Variants in ASPM observed in about 807,000 individuals in gnomAD.
The protein encoded by ASPM is abnormal spindle-like microcephaly-associated protein.
A neutral mutation model predicts 366.4 loss-of-function variants in ASPM; 256 were observed. That is an observed-to-expected ratio of 0.70 (90% CI 0.63 to 0.77). ASPM has a LOEUF of 0.77. Ranked by LOEUF, ASPM falls within the 30% of genes least tolerant of loss-of-function variation. The pLI, the probability that ASPM is intolerant of heterozygous loss-of-function variation, is 0.00. For missense variants in ASPM, 4,146 were observed against 4,090.4 expected, an observed-to-expected ratio of 1.01 and a Z score of -0.37; for synonymous variants, 1,414 against 1,342.9, an observed-to-expected ratio of 1.05 and a Z score of -1.16.
rs746388015 is a variant in ASPM at position 197,104,965 on chromosome 1, G to A, written c.4286C>T (p.Ser1429Phe). Reference sequence around the variant, plus strand: ...ACGTTGCTTCCATTTTCTGAACATAGATTGGATTATAAGAGTTGATGATTT... The same window carrying A: ...ACGTTGCTTCCATTTTCTGAACATAAATTGGATTATAAGAGTTGATGATTT... ...MLKSSTLIIQ[S>F]MFRKWKQRKM... Residue 1429 changes from serine (S) to phenylalanine (F), a missense_variant, in exon 18 of 28, where the codon TCT (serine) becomes TTT (phenylalanine). Physicochemically the swap from Ser to Phe is radical, Grantham distance 155. Transcript: ENST00000367409. 3 of 1,611,910 alleles carry A rather than the reference G, an allele frequency of 1.9e-6. No homozygotes were observed. The highest frequency in any genetic ancestry group is 1.7e-4 in the Middle Eastern group (1 of 6,042).
rs761158397 is a variant in ASPM at position 197,094,114 on chromosome 1, C to A, written c.9054G>T (p.Lys3018Asn). Residue 3018 changes from lysine to asparagine, a missense_variant, in exon 20 of 28, where the codon AAG becomes AAT. By Grantham distance (94) the Lys-to-Asn change is moderately conservative. Transcript: ENST00000367409. ...QRKWRAILPA[K>N]IAHEHFLMIK... ...TCATTAAGAAGTGTTCATGAGCTAT[C>A]TTTGCAGGAAGTATAGCTCTCCATT... is the stretch of plus-strand genomic sequence containing the variant. 1 of 1,604,924 alleles carries A rather than the reference C, an allele frequency of 6.2e-7. No individual in the cohort carries two copies.
intron 17 of ASPM, among the ~76,000 whole-genome samples, 174 bp from the exon 18 acceptor site, chr1:197,105,359 G>A (rs995444541): frequency 3.3e-5 from 5 of 151,808 alleles, no homozygotes; most frequent in African/African-American, 1.2e-4. Context: ...GTTTTACATT[G>A]ATATACCTGT....
intron 16 of ASPM, among the ~76,000 whole-genome samples, chr1:197,119,017 A>G (rs1415249202): frequency 6.6e-6 from 1 of 152,190 alleles, no homozygotes; most frequent in Non-Finnish European, 1.5e-5. Context: ...AATTCCAATT[A>G]TTAATTAATA....
intron 16 of ASPM, among the ~76,000 whole-genome samples, chr1:197,120,768 T>C (rs1657884943): frequency 6.6e-6 from 1 of 152,022 alleles, no homozygotes; most frequent in Admixed American, 6.6e-5. Flanking sequence ...GAAGTTATTC[T>C]CCAAGTGATA....
At chr1:197,110,286 T>C (rs1160879141) in intron 17 of ASPM, among the ~76,000 whole-genome samples, 2 of 152,112 alleles carry the variant, frequency 1.3e-5, no homozygotes, top group African/African-American at 2.4e-5. Context: ...AACTGATTTA[T>C]GACAAAGGTG....
chr1:197,139,632 C>T lies in ASPM; in HGVS notation c.2026+135G>A. ...ACAGAAAGTTGACACAATATCCTGT[C>T]ATTTTAATACACACTTTAACAATTC... On this transcript the variant is annotated intron_variant, in intron 4 of 27. Coordinates refer to ENST00000367409, the MANE Select transcript of ASPM (RefSeq NM_018136.5). 9.0e-6 allele frequency: 7 copies of T among 778,990 alleles called. No individual in the cohort carries two copies. In the South Asian group the frequency reaches 1.0e-4, roughly 11 times the overall value. 48.3% of individuals were successfully genotyped at this position (778,990 alleles called of 1,614,324 possible).
At chr1:197,094,251 C>A in intron 19 of ASPM, 71 bp from the exon 20 acceptor site, 1 of 900,410 alleles carries the variant, frequency 1.1e-6, no homozygotes, top group Admixed American at 2.0e-5. Context: ...TTGCCTCCCC[C>A]CCTTTAAAAT....
In ASPM at chr1:197,124,216, T is replaced by C. The variant is rs368894687; in HGVS notation, c.3284A>G (p.Asn1095Ser). The stretch of plus-strand genomic sequence containing the variant: ...ACTATCCCTTTTGCCTTTTTTCTTA[T>C]TAATAAGATCATCAGAATGGCATGA... ...LLSCHSDDLI[N>S]KKKGKRDSGS... Residue 1095 changes from asparagine to serine, a missense_variant, in exon 13 of 28, where the codon AAT becomes AGT. Asn to Ser is a conservative substitution (Grantham distance 46, BLOSUM62 1). This residue lies in a region of ASPM where 3,624 missense variants were observed against 3,591.7 expected (regional missense o/e 1.01). Transcript: ENST00000367409. 93 of 1,610,690 alleles carry C rather than the reference T, an allele frequency of 5.8e-5. No homozygotes were observed. Among genetic ancestry groups the C allele is most frequent in the Non-Finnish European group, 7.8e-5 (92 of 1,177,366 alleles).
At chr1:197,123,978 C>T (rs1286630968) in intron 13 of ASPM, 132 bp downstream of exon 13, 13 of 718,504 alleles carry the variant, frequency 1.8e-5, no homozygotes, top group Admixed American at 2.7e-5. Flanking sequence ...AACATTCACT[C>T]ATTTGAGGGA....
chr1:197,111,970 A>T (rs1478511338), intron 17 of ASPM, among the ~76,000 whole-genome samples: 1 of 152,204 alleles, frequency 6.6e-6, no homozygotes, highest in Non-Finnish European at 1.5e-5. Context: ...TCAAAGGCCT[A>T]AAAGCAGAAA....
intron 10 of ASPM, 28 bp downstream of exon 10, chr1:197,128,462 G>C: frequency 6.3e-7 from 1 of 1,591,220 alleles, no homozygotes; most frequent in Non-Finnish European, 8.6e-7. Context: ...ATTCCATTAA[G>C]CAAAATAATT....
rs199422134 is a variant in ASPM, at chr1:197,143,675, G to C, written c.577C>G (p.Gln193Glu). Residue 193 changes from glutamine to glutamate, a missense_variant, in exon 3 of 28, where the codon CAA (glutamine) becomes GAA (glutamate). Coordinates refer to ENST00000367409, the MANE Select transcript of ASPM (RefSeq NM_018136.5). ...TTCATAGCCAAGTTTTCACAAGCTT[G>C]TAGTGGGCTCCTAACTCTGTCAACT... ...QKVDRVRSPL[Q>E]ACENLAMNEG... The C allele has an allele frequency of 6.2e-6, 10 of 1,613,836 alleles. No individual in the cohort carries two copies. The highest frequency in any genetic ancestry group is 1.3e-5 in the African/African-American group (1 of 75,044).
At position 197,142,813 on chromosome 1, in the gene ASPM, C is replaced by T; in HGVS notation, c.1439G>A (p.Ser480Asn). 1 of 1,613,604 alleles carries T rather than the reference C, an allele frequency of 6.2e-7. No individual in the cohort carries two copies. Among genetic ancestry groups the T allele is most frequent in the Non-Finnish European group, 8.5e-7 (1 of 1,179,592 alleles). ...CTTAGGTTGTTTATTGTGGCTATGA[C>T]TAGAAATATCCTGAACTGCAGAAAA... ...PKFSAVQDIS[S>N]HSHNKQPKRR... is the part of the protein sequence containing the mutation. The change falls in exon 3 of 28, where the codon AGT becomes AAT. Residue 480 changes from serine to asparagine, a missense_variant. Physicochemically the swap from Ser to Asn is conservative, Grantham distance 46. This residue lies in a region of ASPM where 3,624 missense variants were observed against 3,591.7 expected (regional missense o/e 1.01). Coordinates refer to ENST00000367409, the MANE Select transcript of ASPM (RefSeq NM_018136.5).
rs761173800 is a variant in ASPM, at chr1:197,090,404, C to G, written c.9637-16G>C. 2.1e-4 allele frequency: 323 copies of G among 1,573,270 alleles called. No individual in the cohort carries two copies. The highest frequency in any genetic ancestry group is 2.8e-4 in the Non-Finnish European group (320 of 1,150,100). On this transcript the variant is annotated splice_polypyrimidine_tract_variant and intron_variant, in intron 23 of 27. Transcript: ENST00000367409. ...TCCATAATGCCTTAAAGAGATAAAA[C>G]AGAGTAATTTTAAGATTATAGCCAA...
intron 5 of ASPM, 131 bp from the exon 6 acceptor site, chr1:197,133,726 T>TA: frequency 1.9e-6 from 2 of 1,038,242 alleles, no homozygotes; most frequent in South Asian, 3.2e-5. Context: ...GCTTACTCCT[T>TA]AGGCCAATCT....
Position 197,117,834 on chromosome 1 carries a change from C to T in ASPM, c.4020G>A (p.Lys1340=), listed in dbSNP as rs768637906. The T allele has an allele frequency of 6.2e-6, 10 of 1,612,702 alleles. No homozygotes were observed. The East Asian group carries it at 2.0e-4, about 32-fold the overall frequency. The part of the protein sequence containing the change: ...LAQRKLLMLK[K]EKLEKVQNKA... Reference sequence around the variant, plus strand: ...TATTTTGAACTTTTTCCAGCTTTTCCTTTTTTAACATTAATAATTTTCTCT... The same window carrying T: ...TATTTTGAACTTTTTCCAGCTTTTCTTTTTTTAACATTAATAATTTTCTCT... Residue 1340 remains lysine, a synonymous_variant, in exon 17 of 28, where the codon AAG becomes AAA. Coordinates refer to ENST00000367409, the MANE Select transcript of ASPM (RefSeq NM_018136.5).
chr1:197,135,437 G>A (rs776016185), intron 4 of ASPM, among the ~76,000 whole-genome samples, 195 bp from the exon 5 acceptor site: 13 of 152,042 alleles, frequency 8.6e-5, no homozygotes, highest in African/African-American at 2.9e-4. Context: ...AAAGTAAAGC[G>A]ATATTTCCTG....
rs1482486771 is a variant in ASPM, at chr1:197,143,079, T to A, written c.1173A>T (p.Leu391Phe). The A allele has an allele frequency of 6.2e-7, 1 of 1,612,932 alleles. No homozygotes were observed. The highest frequency in any genetic ancestry group is 8.5e-7 in the Non-Finnish European group (1 of 1,179,114). Residue 391 changes from leucine (L) to phenylalanine (F), a missense_variant, in exon 3 of 28, where the codon TTA becomes TTT. Physicochemically the swap from Leu to Phe is conservative, Grantham distance 22 (BLOSUM62 0). Around this residue, in one of 3 missense-constraint regions of ASPM, gnomAD observed 512 missense variants for 471.7 expected, o/e 1.09. Transcript: ENST00000367409. Reference protein sequence around the residue: ...DLESESVNPILSPNQFLKDNM... With the variant: ...DLESESVNPIFSPNQFLKDNM... ...TATCTTTTAAAAATTGATTAGGGGA[T>A]AAAATAGGATTAACTGACTCTGATT...
intron 5 of ASPM, 24 bp downstream of exon 5, chr1:197,135,072 T>TTA: frequency 6.9e-7 from 1 of 1,455,376 alleles, no homozygotes; most frequent in South Asian, 1.2e-5. Flanking sequence ...TATTATTAAA[T>TTA]TTAAACATTA....
Sources: gnomAD v4.1 joint callset for allele counts (sites outside exome capture counted in the v4.1 genomes callset) on GRCh38, gnomAD v4.1.1 for gene constraint, gnomAD v4.1.1 regional missense constraint, MANE v1.5 for transcripts, NCBI Gene and HGNC (gene_info 2026-07-23, HGNC 2026-07-21) for gene names.